The following PDE1A variants were observed in gnomAD, a reference collection of about 807,000 sequenced individuals.
PDE1A encodes the protein dual specificity calcium/calmodulin-dependent 3',5'-cyclic nucleotide phosphodiesterase 1A.
PDE1A carries 35 observed loss-of-function variants against 61.7 expected under a neutral mutation model. The ratio of observed to expected loss-of-function variants is 0.57; its 90% confidence interval spans 0.43 to 0.75. PDE1A has a LOEUF of 0.75. Among genes scored for constraint, PDE1A ranks in the 30% least tolerant of loss-of-function variants. PDE1A has a pLI of 0.00. For synonymous variants in PDE1A, 232 were observed against 213.2 expected (o/e 1.09, Z -0.77); for missense variants, 597 against 630.6 (o/e 0.95, Z 0.57).
chr2:182,142,431 A>T (rs1201583021), downstream of PDE1A: 1 of 152,176 alleles, frequency 6.6e-6, no homozygotes, highest in Non-Finnish European at 1.5e-5. Flanking sequence ...GAGTTTACAA[A>T]GGTGTTCATC....
At chr2:182,333,163 C>G (rs1357383012) in intron 1 of PDE1A, among the ~76,000 whole-genome samples, 1 of 152,162 alleles carries the variant, frequency 6.6e-6, no homozygotes, top group Non-Finnish European at 1.5e-5. Context: ...CAATATTAGA[C>G]AGATCAACGA....
chr2:182,406,026 CA>C (rs950453380), intron 1 of PDE1A, among the ~76,000 whole-genome samples: 19 of 149,012 alleles, frequency 1.3e-4, no homozygotes, highest in East Asian at 9.8e-4. Context: ...GAAATTTTAC[CA>C]AAAAAAAATA....
chr2:182,427,885 T>C (rs992068078), upstream of PDE1A, among the ~76,000 whole-genome samples: 3 of 152,156 alleles, frequency 2.0e-5, no homozygotes, highest in Non-Finnish European at 4.4e-5. Flanking sequence ...TTTTAATATA[T>C]ACATGTAATA....
the PDE1A span, among the ~76,000 whole-genome samples, chr2:182,626,738 C>CATAT: frequency 7.2e-5 from 1 of 13,954 alleles, no homozygotes; most frequent in Non-Finnish European, 1.2e-4. Flanking sequence ...TATATATATA[C>CATAT]ATATATATAC....
chr2:182,714,410 T>C, the PDE1A span, among the ~76,000 whole-genome samples: 1 of 152,230 alleles, frequency 6.6e-6, no homozygotes, highest in Non-Finnish European at 1.5e-5. Flanking sequence ...CACTAAGATA[T>C]GATCTAGGAA....
the PDE1A span, among the ~76,000 whole-genome samples, chr2:182,610,580 AT>A: frequency 6.6e-6 from 1 of 152,232 alleles, no homozygotes; most frequent in Non-Finnish European, 1.5e-5. Flanking sequence ...TTGTAAAATT[AT>A]TTTTAAAACT....
intron 2 of PDE1A, among the ~76,000 whole-genome samples, chr2:182,471,380 G>A (rs1017039733): frequency 2.0e-5 from 3 of 151,694 alleles, no homozygotes; most frequent in Admixed American, 6.6e-5. Context: ...TTTATACACA[G>A]TATAATTATT....
chr2:182,610,014 G>A, the PDE1A span, among the ~76,000 whole-genome samples: 2 of 152,016 alleles, frequency 1.3e-5, no homozygotes, highest in Admixed American at 6.6e-5. Flanking sequence ...CTTGAACCCA[G>A]GAGGCGGAGG....
intron 2 of PDE1A, among the ~76,000 whole-genome samples, chr2:182,445,551 T>A (rs1027546160): frequency 1.3e-5 from 2 of 152,054 alleles, no homozygotes; most frequent in Admixed American, 6.6e-5. Context: ...AAATATTTTA[T>A]GCCAATAAAA....
chr2:182,428,547 C>T (rs1703754886), upstream of PDE1A, among the ~76,000 whole-genome samples: 1 of 152,114 alleles, frequency 6.6e-6, no homozygotes, highest in African/African-American at 2.4e-5. Flanking sequence ...GATAAATTCA[C>T]ATGTGTGCTA....
intron 13 of PDE1A, among the ~76,000 whole-genome samples, chr2:182,147,570 G>T (rs944242679): frequency 4.6e-5 from 7 of 152,240 alleles, no homozygotes; most frequent in South Asian, 4.1e-4. Flanking sequence ...AGTATGAAAG[G>T]ATAGTAGTGT....
At chr2:182,237,317 C>A (rs1690099875) in intron 3 of PDE1A, among the ~76,000 whole-genome samples, 1 of 152,086 alleles carries the variant, frequency 6.6e-6, no homozygotes. Flanking sequence ...ACATGGGAAA[C>A]CCTGTCTCTA....
intron 1 of PDE1A, among the ~76,000 whole-genome samples, chr2:182,310,712 T>C (rs1414874643): frequency 6.6e-6 from 1 of 152,166 alleles, no homozygotes; most frequent in African/African-American, 2.4e-5. Context: ...ACTGAACTCC[T>C]CACTGCTCCA....
the PDE1A span, among the ~76,000 whole-genome samples, chr2:182,697,487 C>T: frequency 2.9e-4 from 44 of 152,160 alleles, no homozygotes; most frequent in Non-Finnish European, 5.9e-4. Flanking sequence ...CCAGTCCTTC[C>T]CCAGGGGAGG....
the PDE1A span, among the ~76,000 whole-genome samples, chr2:182,562,002 A>G: frequency 1.3e-4 from 20 of 151,808 alleles, no homozygotes; most frequent in East Asian, 3.3e-3. Flanking sequence ...TCGTCTGCAA[A>G]CAGGGACAAT....
chr2:182,532,508 T>C, the PDE1A span, among the ~76,000 whole-genome samples: 2 of 152,164 alleles, frequency 1.3e-5, no homozygotes, highest in East Asian at 3.9e-4. Flanking sequence ...AGATTAGTGG[T>C]TTCCAGGGGC....
the PDE1A span, among the ~76,000 whole-genome samples, chr2:182,627,355 T>G: frequency 8.5e-6 from 1 of 118,254 alleles, no homozygotes; most frequent in East Asian, 2.2e-4. Context: ...ATATAAAATA[T>G]AATATATATA....
At chr2:182,149,756 C>A (rs1030624541) in intron 13 of PDE1A, among the ~76,000 whole-genome samples, 1 of 152,112 alleles carries the variant, frequency 6.6e-6, no homozygotes, top group Non-Finnish European at 1.5e-5. Flanking sequence ...TAAAGATCAT[C>A]TTAGATGACC....
intron 1 of PDE1A, among the ~76,000 whole-genome samples, chr2:182,419,240 A>G (rs1160855120): frequency 2.0e-5 from 3 of 152,078 alleles, no homozygotes; most frequent in Admixed American, 1.3e-4. Flanking sequence ...AGGATTATAT[A>G]CTTCATCTAT....
Sources: allele counts gnomAD v4.1 joint callset (sites outside exome capture counted in the v4.1 genomes callset), GRCh38; gene constraint gnomAD v4.1.1; transcripts MANE v1.5; gene names NCBI Gene and HGNC (gene_info 2026-07-23, HGNC 2026-07-21).